Variants in HIKESHI observed in about 807,000 individuals in gnomAD.
HIKESHI encodes the protein heat shock protein nuclear import factor hikeshi, also known as protein Hikeshi.
HIKESHI carries 13 observed loss-of-function variants against 25.7 expected under a neutral mutation model. The ratio of observed to expected loss-of-function variants is 0.51; its 90% CI spans 0.33 to 0.80. The LOEUF (loss-of-function observed/expected upper bound fraction) is 0.80. Among genes scored for constraint, HIKESHI ranks in the 30% least tolerant of loss-of-function variants. The pLI is 0.02. For missense variants in HIKESHI, 174 were observed against 229.5 expected (o/e 0.76, Z 1.56); for synonymous variants, 76 against 78.7 (o/e 0.97, Z 0.18).
intron 2 of HIKESHI, among the ~76,000 whole-genome samples, chr11:86,307,610 TA>T (rs1282522573): frequency 8.6e-6 from 1 of 116,924 alleles, no homozygotes; most frequent in Non-Finnish European, 1.7e-5. Context: ...ACATTATATA[TA>T]AAATATATAT....
At chr11:86,341,591 C>CT (rs1207937289) in intron 3 of HIKESHI, among the ~76,000 whole-genome samples, 1 of 151,404 alleles carries the variant, frequency 6.6e-6, no homozygotes, top group Non-Finnish European at 1.5e-5. Context: ...AACTCCTGGG[C>CT]TCCCACTAGT....
intron 2 of HIKESHI, among the ~76,000 whole-genome samples, chr11:86,332,761 CTG>C (rs1947456332): frequency 6.6e-6 from 1 of 152,230 alleles, no homozygotes; most frequent in Non-Finnish European, 1.5e-5. Flanking sequence ...CATTTGATCT[CTG>C]TGGCATATTA....
chr11:86,327,873 C>T (rs1947322981), intron 2 of HIKESHI, among the ~76,000 whole-genome samples: 1 of 152,022 alleles, frequency 6.6e-6, no homozygotes, highest in Admixed American at 6.6e-5. Flanking sequence ...GAAGAAACTC[C>T]TAGAAGTGGA....
At chr11:86,305,868 G>A (rs1946610920) in intron 1 of HIKESHI, among the ~76,000 whole-genome samples, 2 of 152,054 alleles carry the variant, frequency 1.3e-5, no homozygotes. Flanking sequence ...AGCCTCCCGA[G>A]TAGCTGGGAA....
chr11:86,311,247 TG>T (rs1946826447), intron 2 of HIKESHI, among the ~76,000 whole-genome samples: 1 of 152,204 alleles, frequency 6.6e-6, no homozygotes, highest in Admixed American at 6.5e-5. Flanking sequence ...AGCCTGTTAT[TG>T]GTCTATTCAG....
intron 2 of HIKESHI, chr11:86,326,665 C>A: frequency 5.1e-6 from 2 of 392,802 alleles, no homozygotes; most frequent in Non-Finnish European, 1.0e-5. Flanking sequence ...GGAGCATGAA[C>A]TTGAAATATG....
At chr11:86,325,549 C>T (rs1282750263) in intron 2 of HIKESHI, among the ~76,000 whole-genome samples, 3 of 150,536 alleles carry the variant, frequency 2.0e-5, no homozygotes, top group African/African-American at 7.3e-5. Context: ...TTTTTTGGAA[C>T]ATGGGATATG....
chr11:86,341,742 T>C (rs1352671748), intron 3 of HIKESHI, among the ~76,000 whole-genome samples: 5 of 152,218 alleles, frequency 3.3e-5, no homozygotes, highest in African/African-American at 1.2e-4. Context: ...CTGGACCTAT[T>C]GTATAGCCAT....
At chr11:86,345,040 C>G in intron 4 of HIKESHI, 2 of 805,204 alleles carry the variant, frequency 2.5e-6, no homozygotes, top group South Asian at 1.0e-4. Flanking sequence ...TTATACTGCA[C>G]TGTGTACATG....
chr11:86,322,521 A>G (rs1422234363), intron 2 of HIKESHI, among the ~76,000 whole-genome samples: 1 of 151,738 alleles, frequency 6.6e-6, no homozygotes, highest in Admixed American at 6.6e-5. Context: ...ATTTGAAAGT[A>G]TTTTTTCCCA....
intron 4 of HIKESHI, chr11:86,345,374 T>C (rs1947845450): frequency 2.3e-6 from 1 of 437,410 alleles, no homozygotes; most frequent in Non-Finnish European, 4.0e-6. Flanking sequence ...TGCTCTCTGA[T>C]AAAAGCTAAT....
At chr11:86,320,016 T>C (rs1947109023) in intron 2 of HIKESHI, among the ~76,000 whole-genome samples, 1 of 151,962 alleles carries the variant, frequency 6.6e-6, no homozygotes, top group Non-Finnish European at 1.5e-5. Flanking sequence ...AGGGGTGGAG[T>C]TGTCATAGGA....
intron 2 of HIKESHI, among the ~76,000 whole-genome samples, chr11:86,328,907 TGTGTGTGTGTGTGTGTGTGTGC>T (rs1417227146): frequency 2.9e-5 from 1 of 33,944 alleles, no homozygotes; most frequent in East Asian, 1.9e-3. Context: ...TTTTGTGTTT[TGTGTGTGTGTGTGTGTGTGTGC>T]GCGCACACAC....
chr11:86,333,692 C>T (rs1366635401), intron 2 of HIKESHI, among the ~76,000 whole-genome samples: 2 of 151,256 alleles, frequency 1.3e-5, no homozygotes, highest in Non-Finnish European at 2.9e-5. Flanking sequence ...ATTTGTGTTC[C>T]AAAATAGACT....
At chr11:86,318,186 C>G (rs910450216) in intron 2 of HIKESHI, among the ~76,000 whole-genome samples, 1 of 150,488 alleles carries the variant, frequency 6.6e-6, no homozygotes, top group Admixed American at 6.7e-5. Context: ...CGCCTGTAAT[C>G]CTAGCTACTT....
rs866806418 is a variant in HIKESHI, at chr11:86,310,875, T to C, written c.268+4393T>C. ...ATGATGGATTACATTTATTGATTTG[T>C]GTATGTTGAACCAGCCTTGCATCCC... On this transcript the variant is annotated intron_variant, in intron 2 of 4. Coordinates refer to ENST00000278483, the MANE Select transcript of HIKESHI (RefSeq NM_016401.4). Among the ~76,000 whole-genome samples the C allele has an allele frequency of 5.5e-4, 84 of 152,294 alleles. No individual in the cohort carries two copies. In the Middle Eastern group the frequency reaches 0.01, roughly 19 times the overall value.
intron 2 of HIKESHI, among the ~76,000 whole-genome samples, chr11:86,322,648 T>C (rs903456388): frequency 6.6e-6 from 1 of 152,188 alleles, no homozygotes; most frequent in Non-Finnish European, 1.5e-5. Flanking sequence ...TTTGTTCTTT[T>C]CTGGGTTGTG....
chr11:86,307,079 TATCAAATATGTGTAATATACATCATG>T (rs1334369479), intron 2 of HIKESHI, among the ~76,000 whole-genome samples: 1 of 27,254 alleles, frequency 3.7e-5, no homozygotes, highest in African/African-American at 1.4e-4. Context: ...ATACATCATG[TATCAAATATGTGTAATATACATCATG>T]TATCAAATAT....
chr11:86,319,017 A>T (rs1254175687), intron 2 of HIKESHI, among the ~76,000 whole-genome samples: 1 of 152,030 alleles, frequency 6.6e-6, no homozygotes, highest in East Asian at 1.9e-4. Flanking sequence ...CCTGGGCTCA[A>T]GCCATCCTCC....
Sources: allele counts gnomAD v4.1 joint callset (sites outside exome capture counted in the v4.1 genomes callset), GRCh38; gene constraint gnomAD v4.1.1; transcripts MANE v1.5; gene names NCBI Gene and HGNC (gene_info 2026-07-23, HGNC 2026-07-21).